The following IGSF5 variants were observed in gnomAD, a reference collection of about 807,000 sequenced individuals.
The protein encoded by IGSF5 is immunoglobulin superfamily 5 like.
Under a neutral mutation model 39.4 loss-of-function variants are expected in IGSF5, and 41 were observed. The ratio of observed to expected loss-of-function variants is 1.04; its 90% confidence interval spans 0.81 to 1.35. The LOEUF is 1.35. IGSF5 is among the 40% of genes most tolerant of loss of function. The probability of loss-of-function intolerance (pLI) is 0.00; values close to 1 mark genes in which losing one functional copy is unlikely to be tolerated. For synonymous variants in IGSF5, 183 were observed against 175.3 expected (o/e 1.04, Z -0.34); for missense variants, 487 against 494.6 (o/e 0.98, Z 0.15).
intron 2 of IGSF5, among the ~76,000 whole-genome samples, chr21:39,750,995 C>T (rs1306929140): frequency 1.1e-4 from 17 of 152,210 alleles, no homozygotes; most frequent in Non-Finnish European, 8.8e-5. Context: ...GATAGACTGG[C>T]CCTGAGGCCT....
chr21:39,720,811 A>G, the IGSF5 span, among the ~76,000 whole-genome samples: 1 of 152,218 alleles, frequency 6.6e-6, no homozygotes, highest in African/African-American at 2.4e-5. Context: ...ATAACAGGGG[A>G]ACTGTGAGTG....
At chr21:39,800,816 A>G (rs1376303287) in intron 8 of IGSF5, among the ~76,000 whole-genome samples, 1 of 152,256 alleles carries the variant, frequency 6.6e-6, no homozygotes, top group African/African-American at 2.4e-5. Context: ...AGGGAAGACT[A>G]TGTTTCTCCC....
intron 5 of IGSF5, 73 bp downstream of exon 5, chr21:39,779,378 C>T (rs2080158401): frequency 1.3e-6 from 2 of 1,541,342 alleles, no homozygotes; most frequent in Admixed American, 1.9e-5. Flanking sequence ...TTAATGAACT[C>T]ATCAGCTCTT....
the IGSF5 span, among the ~76,000 whole-genome samples, chr21:39,715,272 C>T: frequency 5.9e-5 from 9 of 152,060 alleles, no homozygotes; most frequent in Non-Finnish European, 1.0e-4. Context: ...TGCATGCCAC[C>T]ATGCCCAGCT....
intron 2 of IGSF5, among the ~76,000 whole-genome samples, chr21:39,749,622 GT>G (rs1258989158): frequency 3.3e-5 from 5 of 152,208 alleles, no homozygotes; most frequent in African/African-American, 1.2e-4. Context: ...GCACAGCCTG[GT>G]TTTATACATT....
At chr21:39,776,730 A>T (rs1555943883) in intron 4 of IGSF5, among the ~76,000 whole-genome samples, 1 of 152,178 alleles carries the variant, frequency 6.6e-6, no homozygotes, top group Non-Finnish European at 1.5e-5. Flanking sequence ...GAAGTTTGGC[A>T]CACTCGTATT....
chr21:39,777,714 A>G (rs572216766), intron 4 of IGSF5, among the ~76,000 whole-genome samples: 1 of 152,134 alleles, frequency 6.6e-6, no homozygotes, highest in Non-Finnish European at 1.5e-5. Flanking sequence ...GCATCTTACT[A>G]TGGGGAGAAA....
chr21:39,752,272 C>T (rs1171579684), intron 2 of IGSF5, among the ~76,000 whole-genome samples: 2 of 152,132 alleles, frequency 1.3e-5, no homozygotes, highest in Non-Finnish European at 2.9e-5. Context: ...TTTGGTTTTC[C>T]ATTCCTGAGT....
At chr21:39,785,595 A>C (rs1176396267) in intron 5 of IGSF5, among the ~76,000 whole-genome samples, 1 of 152,134 alleles carries the variant, frequency 6.6e-6, no homozygotes, top group Non-Finnish European at 1.5e-5. Context: ...TCAGTGAAGA[A>C]AGTCATTGGT....
At chr21:39,780,270 A>G (rs1226124969) in intron 5 of IGSF5, among the ~76,000 whole-genome samples, 4 of 152,220 alleles carry the variant, frequency 2.6e-5, no homozygotes, top group African/African-American at 9.6e-5. Context: ...CTTGAAAGAA[A>G]CGGTGGCAAA....
At chr21:39,758,769 GT>G (rs2146275818) in intron 2 of IGSF5, among the ~76,000 whole-genome samples, 1 of 152,228 alleles carries the variant, frequency 6.6e-6, no homozygotes, top group Non-Finnish European at 1.5e-5. Flanking sequence ...GCCAGCTTTG[GT>G]TTTCATTAGG....
chr21:39,740,485 T>G, upstream of IGSF5, among the ~76,000 whole-genome samples: 1 of 152,354 alleles, frequency 6.6e-6, no homozygotes, highest in Non-Finnish European at 1.5e-5. Context: ...TATATATATT[T>G]ACCCTTTTTC....
chr21:39,795,352 G>A (rs2086989716), intron 8 of IGSF5, among the ~76,000 whole-genome samples: 1 of 152,034 alleles, frequency 6.6e-6, no homozygotes, highest in African/African-American at 2.4e-5. Flanking sequence ...TCCCACCCCA[G>A]CTCCAAGCAC....
chr21:39,775,259 G>A (rs2080134022), intron 4 of IGSF5, among the ~76,000 whole-genome samples: 1 of 152,142 alleles, frequency 6.6e-6, no homozygotes, highest in Non-Finnish European at 1.5e-5. Context: ...CACTAGCCGT[G>A]TGTCTTCTGG....
At chr21:39,733,097 A>G in the IGSF5 span, among the ~76,000 whole-genome samples, 2 of 152,160 alleles carry the variant, frequency 1.3e-5, no homozygotes, top group East Asian at 3.8e-4. Flanking sequence ...AAAAAGATAT[A>G]GTACCAAAGA....
At chr21:39,775,656 G>T (rs2080136109) in intron 4 of IGSF5, among the ~76,000 whole-genome samples, 2 of 152,210 alleles carry the variant, frequency 1.3e-5, no homozygotes. Flanking sequence ...ACACAGTGGT[G>T]TGAAGGAGTG....
intron 2 of IGSF5, among the ~76,000 whole-genome samples, chr21:39,756,051 A>T (rs537444812): frequency 6.6e-6 from 1 of 152,186 alleles, no homozygotes; most frequent in Non-Finnish European, 1.5e-5. Flanking sequence ...AGATCGTGCC[A>T]TTGCACTCCA....
intron 8 of IGSF5, among the ~76,000 whole-genome samples, chr21:39,797,789 G>C (rs2087005841): frequency 1.3e-5 from 2 of 152,114 alleles, no homozygotes; most frequent in African/African-American, 2.4e-5. Context: ...CCAAAGCATT[G>C]GGATTATAAG....
the IGSF5 span, among the ~76,000 whole-genome samples, chr21:39,733,877 C>T: frequency 3.9e-5 from 6 of 152,120 alleles, no homozygotes; most frequent in Non-Finnish European, 8.8e-5. Flanking sequence ...GTCTGCCTTC[C>T]GTGAGTGCCT....
Sources: allele counts gnomAD v4.1 joint callset (sites outside exome capture counted in the v4.1 genomes callset), GRCh38; gene constraint gnomAD v4.1.1; transcripts MANE v1.5; gene names NCBI Gene and HGNC (gene_info 2026-07-23, HGNC 2026-07-21).